ACSF3: variants seen among roughly 807,000 people sequenced by gnomAD.
The protein encoded by ACSF3 is malonate--CoA ligase ACSF3, mitochondrial.
A neutral mutation model predicts 53.2 loss-of-function variants in ACSF3; 78 were observed. The ratio of observed to expected loss-of-function variants is 1.47; its 90% confidence interval spans 1.22 to 1.77. ACSF3 has a LOEUF of 1.77. Among genes scored for constraint, ACSF3 ranks in the 40% most tolerant of loss-of-function variants. ACSF3 has a pLI of 0.00. For missense variants in ACSF3, 937 were observed against 771.1 expected, an observed-to-expected ratio of 1.22 and a Z score of -2.55; for synonymous variants, 414 against 333.1, an observed-to-expected ratio of 1.24 and a Z score of -2.65.
At position 89,098,684 on chromosome 16, in the gene ACSF3, C is replaced by T. The variant is rs745951848; in HGVS notation, c.-100C>T. Reference sequence around the variant, plus strand: ...TTGCCTGCACCTTATCGTGCCCTTCCACCTGCTGAAGCAGCTGTGCCTGCC... The same window carrying T: ...TTGCCTGCACCTTATCGTGCCCTTCTACCTGCTGAAGCAGCTGTGCCTGCC... On this transcript the variant is annotated 5_prime_UTR_variant, in exon 2 of 11. Transcript: ENST00000614302. 161 of 454,008 alleles carry T rather than the reference C, an allele frequency of 3.5e-4. No homozygotes were observed. Among genetic ancestry groups the T allele is most frequent in the Non-Finnish European group, 1.3e-4 (30 of 226,810 alleles). The allele number at this position is 454,008 out of a possible 1,614,324, so 28.1% of individuals were successfully genotyped here. A position where few individuals can be genotyped will look rare whatever the true frequency, so the allele number is the denominator to read the frequency against.
chr16:89,099,350 G>A (rs1274355102), intron 2 of ACSF3, among the ~76,000 whole-genome samples: 1 of 152,238 alleles, frequency 6.6e-6, no homozygotes, highest in Non-Finnish European at 1.5e-5. Context: ...TGGACGGCGG[G>A]CCCGCGCGAC....
chr16:89,153,634 C>T (rs1597280303), intron 10 of ACSF3: 1 of 285,402 alleles, frequency 3.5e-6, no homozygotes, highest in East Asian at 8.7e-5. Flanking sequence ...ATACCCCATA[C>T]AGGGCAGACT....
rs749994320 is a variant in ACSF3 at position 89,100,993 on chromosome 16, C to G, written c.312C>G (p.Asn104Lys). ...AGAGGGTCTCCTTCCTATGCGCTAA[C>G]GATGCCTCCTACGTCGTGGCCCAGT... is the stretch of plus-strand genomic sequence containing the variant. The part of the protein sequence containing the change: ...REERVSFLCA[N>K]DASYVVAQWA... The change falls in exon 3 of 11, where the codon AAC (asparagine) becomes AAG (lysine). Residue 104 changes from asparagine to lysine, a missense_variant. Asn to Lys is a moderately conservative substitution (Grantham distance 94). Coordinates refer to ENST00000614302, the MANE Select transcript of ACSF3 (RefSeq NM_001243279.3). 3 of 1,613,404 alleles carry G rather than the reference C, an allele frequency of 1.9e-6. No individual in the cohort carries two copies. The highest frequency in any genetic ancestry group is 2.7e-5 in the African/African-American group (2 of 74,908).
intron 5 of ACSF3, among the ~76,000 whole-genome samples, chr16:89,112,869 G>A (rs1031008756): frequency 1.3e-5 from 2 of 152,190 alleles, no homozygotes; most frequent in African/African-American, 4.8e-5. Context: ...GCCTTCGTGG[G>A]CAGCCCTGTG....
chr16:89,141,019 G>A (rs1202068644), intron 8 of ACSF3: 3 of 1,227,792 alleles, frequency 2.4e-6, no homozygotes, highest in Admixed American at 2.6e-5. Context: ...TAAATAGGTT[G>A]TTATGGAAAG....
intron 7 of ACSF3, among the ~76,000 whole-genome samples, chr16:89,126,780 C>G (rs1908200436): frequency 6.6e-6 from 1 of 152,198 alleles, no homozygotes; most frequent in Non-Finnish European, 1.5e-5. Flanking sequence ...CCTTTCCAAC[C>G]TGTATGACCA....
intron 6 of ACSF3, among the ~76,000 whole-genome samples, chr16:89,118,081 G>T (rs1905603297): frequency 6.7e-6 from 1 of 149,440 alleles, no homozygotes. Context: ...GGGCGCCGGG[G>T]ACGCTCTCTC....
intron 8 of ACSF3, among the ~76,000 whole-genome samples, chr16:89,135,478 C>T (rs1429182203): frequency 1.3e-5 from 2 of 152,274 alleles, no homozygotes; most frequent in Admixed American, 1.3e-4. Context: ...CATAGGCTTC[C>T]CAAGGTACCC....
intron 6 of ACSF3, among the ~76,000 whole-genome samples, chr16:89,116,956 G>T (rs1229962992): frequency 1.3e-5 from 2 of 152,200 alleles, no homozygotes; most frequent in Non-Finnish European, 2.9e-5. Context: ...TGACTGGTCT[G>T]TTGAGTCTCT....
chr16:89,151,306 A>G, intron 10 of ACSF3: 1 of 422,508 alleles, frequency 2.4e-6, no homozygotes, highest in Non-Finnish European at 4.8e-6. Flanking sequence ...CTGATAAATT[A>G]TCTCAAACAT....
At chr16:89,144,083 G>A (rs137863378) in intron 8 of ACSF3, among the ~76,000 whole-genome samples, 11 of 152,316 alleles carry the variant, frequency 7.2e-5, no homozygotes, top group Non-Finnish European at 1.0e-4. Context: ...CGCATACCGC[G>A]CCCTCCCAGC....
At chr16:89,145,496 C>A in intron 9 of ACSF3, 95 bp downstream of exon 9, 1 of 1,462,816 alleles carries the variant, frequency 6.8e-7, no homozygotes, top group Non-Finnish European at 9.3e-7. Flanking sequence ...CGACGCCGTC[C>A]CAGCTGCCTG....
intron 7 of ACSF3, among the ~76,000 whole-genome samples, chr16:89,125,233 C>T (rs753434787): frequency 3.3e-5 from 5 of 151,650 alleles, no homozygotes; most frequent in African/African-American, 4.9e-5. Flanking sequence ...ATCCCAGCTA[C>T]TTGGGAGGCT....
Position 89,093,913 on chromosome 16 carries a change from C to A in ACSF3, c.-277C>A, listed in dbSNP as rs1056294140. 10 of 328,682 alleles carry A rather than the reference C, an allele frequency of 3.0e-5. No homozygotes were observed. The highest frequency in any genetic ancestry group is 4.4e-5 in the Non-Finnish European group (7 of 157,600). The allele number at this position is 328,682 out of a possible 1,614,324, so 20.4% of individuals were successfully genotyped here. A position where few individuals can be genotyped will look rare whatever the true frequency, so the allele number is the denominator to read the frequency against. ...CCCGCGGGACCCGGCCGGAACCCGGCCCGACCCCGGCGCGCGCGCGGCGGA... is the reference window on the plus strand; with the variant it reads ...CCCGCGGGACCCGGCCGGAACCCGGACCGACCCCGGCGCGCGCGCGGCGGA... On this transcript the variant is annotated 5_prime_UTR_variant, in exon 1 of 11. Coordinates refer to ENST00000614302, the MANE Select transcript of ACSF3 (RefSeq NM_001243279.3).
rs924011053 is a variant in ACSF3, at chr16:89,151,117, C to T, written c.1614-2973C>T. ...CTCGCCTCAGGCATGCGGGCTCTGACGGGCAGGATGGCGGCACGGAGGGCT... is the reference window on the plus strand; with the variant it reads ...CTCGCCTCAGGCATGCGGGCTCTGATGGGCAGGATGGCGGCACGGAGGGCT... On this transcript the variant is annotated intron_variant, in intron 10 of 10. Transcript: ENST00000614302. 34 of 1,150,200 alleles carry T rather than the reference C, an allele frequency of 3.0e-5. No homozygotes were observed. The Admixed American group carries it at 4.2e-4, about 14-fold the overall frequency. 71.2% of individuals were successfully genotyped at this position (1,150,200 alleles called of 1,614,324 possible). A position where few individuals can be genotyped will look rare whatever the true frequency, so the allele number is the denominator to read the frequency against.
At chr16:89,133,283 A>T (rs751859162) in intron 8 of ACSF3, 21 bp downstream of exon 8, 1 of 1,613,642 alleles carries the variant, frequency 6.2e-7, no homozygotes, top group South Asian at 1.1e-5. Flanking sequence ...GCCCCATGGG[A>T]GTGGAGGAGA....
intron 7 of ACSF3, among the ~76,000 whole-genome samples, chr16:89,131,182 G>A (rs1240105687): frequency 2.5e-5 from 3 of 117,836 alleles, no homozygotes; most frequent in Admixed American, 1.1e-4. Flanking sequence ...CACCTAGGCT[G>A]AAGTGCAGGG....
chr16:89,143,177 C>T (rs1232764042), intron 8 of ACSF3, among the ~76,000 whole-genome samples: 8 of 152,312 alleles, frequency 5.3e-5, no homozygotes, highest in African/African-American at 1.9e-4. Flanking sequence ...TGGTGTGTAA[C>T]GGTGGTACAT....
chr16:89,125,343 C>CAA (rs139116506), intron 7 of ACSF3, among the ~76,000 whole-genome samples: 5,256 of 140,608 alleles, frequency 0.037, 144 homozygotes, highest in East Asian at 0.14. Flanking sequence ...AACTCTGTCT[C>CAA]AAAAAAAAAA....
Sources: allele counts gnomAD v4.1 joint callset (sites outside exome capture counted in the v4.1 genomes callset), GRCh38; gene constraint gnomAD v4.1.1; transcripts MANE v1.5; gene names NCBI Gene and HGNC (gene_info 2026-07-23, HGNC 2026-07-21).